Variants in GALNT13 observed in about 807,000 individuals in gnomAD.
GALNT13 encodes polypeptide N-acetylgalactosaminyltransferase 13.
In GALNT13, 28 loss-of-function variants were observed where a neutral mutation model predicts 64.2. The observed-to-expected ratio is 0.44, with a 90% CI of 0.32 to 0.60. The LOEUF (loss-of-function observed/expected upper bound fraction) is 0.60, where lower values mean the gene tolerates loss of function less well. GALNT13 is among the 20% of genes least tolerant of loss of function. The pLI is 0.05. For synonymous variants in GALNT13, 214 were observed against 224.6 expected, an observed-to-expected ratio of 0.95 and a Z score of 0.42; for missense variants, 577 against 669.8, an observed-to-expected ratio of 0.86 and a Z score of 1.53.
At chr2:153,441,248 A>T in the GALNT13 span, among the ~76,000 whole-genome samples, 1 of 152,208 alleles carries the variant, frequency 6.6e-6, no homozygotes, top group Admixed American at 6.5e-5. Context: ...GTCAAAAAAC[A>T]GATGGTTGTA....
the GALNT13 span, among the ~76,000 whole-genome samples, chr2:153,749,275 T>C: frequency 4.7e-4 from 72 of 152,036 alleles, 1 homozygote; most frequent in Non-Finnish European, 9.3e-4. Context: ...ATTCCTCCAG[T>C]TTTGTTCTTT....
At chr2:153,377,089 T>C in the GALNT13 span, among the ~76,000 whole-genome samples, 1 of 152,140 alleles carries the variant, frequency 6.6e-6, no homozygotes, top group Admixed American at 6.5e-5. Flanking sequence ...CCTAATTCAA[T>C]GTAACTGATG....
intron 1 of GALNT13, among the ~76,000 whole-genome samples, chr2:153,885,601 G>C (rs912986907): frequency 6.6e-6 from 1 of 152,100 alleles, no homozygotes; most frequent in Admixed American, 6.6e-5. Flanking sequence ...ATTCCAGATA[G>C]AGGCAGTACA....
chr2:153,861,868 C>T, the GALNT13 span, among the ~76,000 whole-genome samples: 3,203 of 152,246 alleles, frequency 0.021, 126 homozygotes, highest in African/African-American at 0.073. Context: ...CATGAGCCAT[C>T]GTGCCCAGCC....
At chr2:153,949,440 C>T (rs1294434537) in intron 3 of GALNT13, among the ~76,000 whole-genome samples, 2 of 151,132 alleles carry the variant, frequency 1.3e-5, no homozygotes, top group African/African-American at 2.4e-5. Context: ...ACTCAGAAAA[C>T]TGAGGTGGGA....
chr2:154,019,764 A>G (rs959158790), intron 3 of GALNT13, among the ~76,000 whole-genome samples: 1 of 151,738 alleles, frequency 6.6e-6, no homozygotes, highest in Non-Finnish European at 1.5e-5. Flanking sequence ...GGTTTGTTAC[A>G]TATGTATACA....
the GALNT13 span, among the ~76,000 whole-genome samples, chr2:153,324,814 G>A: frequency 6.6e-6 from 1 of 152,168 alleles, no homozygotes; most frequent in East Asian, 1.9e-4. Context: ...AAGCAGCCTT[G>A]CAATCCAGGA....
At chr2:154,442,884 A>T (rs1220739812) in intron 12 of GALNT13, among the ~76,000 whole-genome samples, 1 of 152,176 alleles carries the variant, frequency 6.6e-6, no homozygotes, top group African/African-American at 2.4e-5. Context: ...CATGTGACTG[A>T]GCAAGTTGAC....
chr2:153,360,900 C>T, the GALNT13 span, among the ~76,000 whole-genome samples: 4 of 152,256 alleles, frequency 2.6e-5, no homozygotes, highest in East Asian at 5.8e-4. Flanking sequence ...GGCTTTTGCT[C>T]CCTTTGCCAC....
At chr2:153,337,501 T>C in the GALNT13 span, among the ~76,000 whole-genome samples, 5 of 152,198 alleles carry the variant, frequency 3.3e-5, no homozygotes, top group African/African-American at 9.6e-5. Flanking sequence ...ACAGGATATT[T>C]AAGAATTGAC....
chr2:154,405,584 T>TAAAA (rs71398312), intron 10 of GALNT13, among the ~76,000 whole-genome samples: 90 of 133,966 alleles, frequency 6.7e-4, no homozygotes, highest in African/African-American at 2.4e-3. Context: ...CCATCTCTTC[T>TAAAA]AAAAAAAAAA....
intron 3 of GALNT13, among the ~76,000 whole-genome samples, chr2:154,049,952 T>C (rs1699493532): frequency 2.0e-5 from 3 of 152,128 alleles, no homozygotes; most frequent in Non-Finnish European, 4.4e-5. Flanking sequence ...AATCACAATA[T>C]AGCTAAACAT....
the GALNT13 span, among the ~76,000 whole-genome samples, chr2:153,291,599 C>T: frequency 2.6e-5 from 4 of 151,798 alleles, no homozygotes; most frequent in Non-Finnish European, 2.9e-5. Context: ...AACTGGAAGG[C>T]GGCTCCTGCT....
chr2:153,611,726 A>G, the GALNT13 span, among the ~76,000 whole-genome samples: 2 of 127,410 alleles, frequency 1.6e-5, no homozygotes, highest in Non-Finnish European at 3.1e-5. Context: ...TCTGGAATAC[A>G]TGTGCTGAAT....
chr2:153,323,864 C>T, the GALNT13 span, among the ~76,000 whole-genome samples: 1 of 152,128 alleles, frequency 6.6e-6, no homozygotes, highest in African/African-American at 2.4e-5. Context: ...ATTTTGGTAA[C>T]AGTACTATGC....
At chr2:153,898,404 G>T (rs1388530766) in intron 1 of GALNT13, among the ~76,000 whole-genome samples, 3 of 152,116 alleles carry the variant, frequency 2.0e-5, no homozygotes, top group Admixed American at 6.6e-5. Flanking sequence ...ATATGCCATT[G>T]TTTAACCAAA....
At chr2:154,338,821 G>A (rs1695597425) in intron 9 of GALNT13, among the ~76,000 whole-genome samples, 1 of 152,044 alleles carries the variant, frequency 6.6e-6, no homozygotes, top group African/African-American at 2.4e-5. Context: ...CTCTGTCATG[G>A]TTGCTTTGCA....
At chr2:154,257,368 T>G (rs1690435916) in intron 7 of GALNT13, among the ~76,000 whole-genome samples, 1 of 152,138 alleles carries the variant, frequency 6.6e-6, no homozygotes, top group Non-Finnish European at 1.5e-5. Context: ...TTAACAATAT[T>G]AAGCATTTGG....
intron 2 of GALNT13, among the ~76,000 whole-genome samples, chr2:153,911,170 A>G (rs2105315720): frequency 6.6e-6 from 1 of 152,172 alleles, no homozygotes; most frequent in Middle Eastern, 3.4e-3. Flanking sequence ...ACCATTATGT[A>G]ATGCCCTCTT....
Sources: gnomAD v4.1 joint callset for allele counts (sites outside exome capture counted in the v4.1 genomes callset) on GRCh38, gnomAD v4.1.1 for gene constraint, MANE v1.5 for transcripts, NCBI Gene and HGNC (gene_info 2026-07-23, HGNC 2026-07-21) for gene names.